Variants in ARHGEF7 observed in about 807,000 individuals in gnomAD.
The protein encoded by ARHGEF7 is PAK-interacting exchange factor beta.
In ARHGEF7, 33 loss-of-function variants were observed where a neutral mutation model predicts 109.8. That is an observed-to-expected ratio of 0.30 (90% confidence interval 0.23 to 0.40). ARHGEF7 has a LOEUF of 0.40. Among genes scored for constraint, ARHGEF7 ranks in the 10% least tolerant of loss-of-function variants. ARHGEF7 has a pLI of 1.00. For synonymous variants in ARHGEF7, 458 were observed against 424.6 expected, an observed-to-expected ratio of 1.08 and a Z score of -0.97; for missense variants, 938 against 1,098.5, an observed-to-expected ratio of 0.85 and a Z score of 2.07.
chr13:111,115,509 G>C lies in ARHGEF7; in HGVS notation c.-18G>C, dbSNP rs375385131. ...TGAAGGCGCGCGCCCCTCCCCGCCT[G>C]CCTCCCGGGCCGCAGCGATGAATTC... On this transcript the variant is annotated 5_prime_UTR_variant, in exon 1 of 22. Coordinates refer to ENST00000646102, the MANE Select transcript of ARHGEF7 (RefSeq NM_001354046.2). The C allele has an allele frequency of 6.9e-5, 88 of 1,283,580 alleles. No individual in the cohort carries two copies. The Middle Eastern group carries it at 8.9e-4, about 13-fold the overall frequency. The allele number at this position is 1,283,580 out of a possible 1,614,324, so 79.5% of individuals were successfully genotyped here. A position where few individuals can be genotyped will look rare whatever the true frequency, so the allele number is the denominator to read the frequency against.
At chr13:111,167,086 C>T (rs960576822) in intron 2 of ARHGEF7, among the ~76,000 whole-genome samples, 1 of 152,072 alleles carries the variant, frequency 6.6e-6, no homozygotes, top group Non-Finnish European at 1.5e-5. Flanking sequence ...CCTGAGTAAA[C>T]GGTTGGTTTG....
At position 111,302,894 on chromosome 13, in the gene ARHGEF7, A is replaced by G. The variant is rs1474017961; in HGVS notation, c.2467-97A>G. 5 of 1,489,948 alleles carry G rather than the reference A, an allele frequency of 3.4e-6. No homozygotes were observed. In the East Asian group the frequency reaches 9.3e-5, roughly 28 times the overall value. 92.3% of individuals were successfully genotyped at this position (1,489,948 alleles called of 1,614,324 possible). ...AGGCAGCTCACGTGGGATTTCATGA[A>G]TCGAGGCCTTAGCTCCTCAAGGATA... On this transcript the variant is annotated intron_variant, in intron 21 of 21. Coordinates refer to ENST00000646102, the MANE Select transcript of ARHGEF7 (RefSeq NM_001354046.2).
intron 20 of ARHGEF7, 53 bp from the exon 21 acceptor site, chr13:111,301,425 T>C (rs2153636987): frequency 6.6e-7 from 1 of 1,520,640 alleles, no homozygotes; most frequent in Non-Finnish European, 9.1e-7. Flanking sequence ...TTTTCGTGTG[T>C]CCTCTCCATG....
At chr13:111,285,080 G>T (rs1243095403) in intron 16 of ARHGEF7, among the ~76,000 whole-genome samples, 1 of 152,060 alleles carries the variant, frequency 6.6e-6, no homozygotes, top group African/African-American at 2.4e-5. Flanking sequence ...TGGCTGTATT[G>T]GGTGATGCTG....
At chr13:111,226,646 A>G (rs1298951342) in intron 5 of ARHGEF7, among the ~76,000 whole-genome samples, 1 of 152,212 alleles carries the variant, frequency 6.6e-6, no homozygotes, top group Non-Finnish European at 1.5e-5. Context: ...CAGTGTACCT[A>G]ATCACCCAAG....
chr13:111,292,245 C>T lies in ARHGEF7; in HGVS notation c.2262C>T (p.Asp754=). Residue 754 remains aspartate (D), a synonymous_variant, in exon 19 of 22, where the codon GAC becomes GAT. Coordinates refer to ENST00000646102, the MANE Select transcript of ARHGEF7 (RefSeq NM_001354046.2). Reference sequence around the variant, plus strand: ...CTTCAGACCTCTCGGAAGACTCTGACTATGACAGTATATGGACAGCCCATA... The same window carrying T: ...CTTCAGACCTCTCGGAAGACTCTGATTATGACAGTATATGGACAGCCCATA... The part of the protein sequence containing the change: ...LEPSDLSEDS[D]YDSIWTAHSY... 1 of 1,614,218 alleles carries T rather than the reference C, an allele frequency of 6.2e-7. No homozygotes were observed. The highest frequency in any genetic ancestry group is 2.2e-5 in the East Asian group (1 of 44,882).
intron 5 of ARHGEF7, among the ~76,000 whole-genome samples, chr13:111,223,674 T>A (rs1339773048): frequency 6.6e-6 from 1 of 152,182 alleles, no homozygotes; most frequent in Non-Finnish European, 1.5e-5. Flanking sequence ...ATAGTCCCTC[T>A]TTGAAGACAG....
chr13:111,248,858 T>G (rs139329433), intron 8 of ARHGEF7, among the ~76,000 whole-genome samples: 1 of 152,358 alleles, frequency 6.6e-6, no homozygotes, highest in East Asian at 1.9e-4. Flanking sequence ...TTCTTTTTAT[T>G]TCTAGTGACT....
chr13:111,136,810 G>T (rs1035544900), intron 1 of ARHGEF7, among the ~76,000 whole-genome samples: 1 of 152,116 alleles, frequency 6.6e-6, no homozygotes, highest in African/African-American at 2.4e-5. Context: ...CCAGGAGCTG[G>T]TTTTTTGAAA....
intron 1 of ARHGEF7, among the ~76,000 whole-genome samples, chr13:111,117,673 CTTTTT>C (rs1383088293): frequency 6.6e-6 from 1 of 152,100 alleles, no homozygotes; most frequent in Non-Finnish European, 1.5e-5. Flanking sequence ...TCTTTCTTTT[CTTTTT>C]CTCTTTCTTT....
intron 5 of ARHGEF7, among the ~76,000 whole-genome samples, chr13:111,221,492 C>CATATATATATCTATATATATAGATAT (rs2084217759): frequency 4.9e-5 from 2 of 41,192 alleles, no homozygotes; most frequent in Non-Finnish European, 9.4e-5. Context: ...TATATATAGA[C>CATATATATATCTATATATATAGATAT]ATATATATAT....
intron 6 of ARHGEF7, among the ~76,000 whole-genome samples, chr13:111,233,819 G>A (rs1180466744): frequency 1.3e-5 from 2 of 152,114 alleles, no homozygotes; most frequent in African/African-American, 4.8e-5. Context: ...AAAATTTGCT[G>A]CTTAATATGT....
At chr13:111,244,493 G>A (rs911806277) in intron 8 of ARHGEF7, among the ~76,000 whole-genome samples, 199 bp downstream of exon 8, 2 of 152,210 alleles carry the variant, frequency 1.3e-5, no homozygotes, top group Non-Finnish European at 2.9e-5. Context: ...TTCAGAGAAA[G>A]ACTCAAGAAT....
chr13:111,279,212 C>T (rs1424982119), intron 13 of ARHGEF7, among the ~76,000 whole-genome samples: 1 of 152,176 alleles, frequency 6.6e-6, no homozygotes, highest in Admixed American at 6.5e-5. Flanking sequence ...TTTTTAAATA[C>T]GCTTGGCCAC....
chr13:111,116,811 G>A (rs893515422), intron 1 of ARHGEF7, among the ~76,000 whole-genome samples: 1 of 152,092 alleles, frequency 6.6e-6, no homozygotes. Context: ...TTTTAAATGA[G>A]GTCAGAAAAC....
At chr13:111,256,459 C>G (rs923240798) in intron 8 of ARHGEF7, among the ~76,000 whole-genome samples, 17 of 152,224 alleles carry the variant, frequency 1.1e-4, no homozygotes, top group Non-Finnish European at 4.4e-5. Context: ...GCTCCACCAT[C>G]CCTGGTCTTT....
At chr13:111,199,987 A>C (rs551467246) in intron 2 of ARHGEF7, among the ~76,000 whole-genome samples, 1 of 152,164 alleles carries the variant, frequency 6.6e-6, no homozygotes, top group Non-Finnish European at 1.5e-5. Flanking sequence ...GAGCACATAC[A>C]GTTGTCACCC....
At chr13:111,138,137 A>G (rs534715966) in intron 1 of ARHGEF7, among the ~76,000 whole-genome samples, 11 of 152,192 alleles carry the variant, frequency 7.2e-5, no homozygotes, top group Non-Finnish European at 1.3e-4. Flanking sequence ...AACATGGAGA[A>G]ACCCCATCTC....
chr13:111,139,487 T>C (rs1270288654), intron 1 of ARHGEF7, among the ~76,000 whole-genome samples: 1 of 152,252 alleles, frequency 6.6e-6, no homozygotes, highest in Non-Finnish European at 1.5e-5. Flanking sequence ...GAGCGTGTTT[T>C]GTCCCCCTTG....
Sources: allele counts gnomAD v4.1 joint callset (sites outside exome capture counted in the v4.1 genomes callset), GRCh38; gene constraint gnomAD v4.1.1; transcripts MANE v1.5; gene names NCBI Gene and HGNC (gene_info 2026-07-23, HGNC 2026-07-21).